The following NCKAP5 variants were observed in gnomAD, a reference collection of about 807,000 sequenced individuals.
The protein encoded by NCKAP5 is nck-associated protein 5.
NCKAP5 carries 92 observed loss-of-function variants against 167.0 expected under a neutral mutation model. The ratio of observed to expected loss-of-function variants is 0.55; its 90% CI spans 0.47 to 0.66. The LOEUF is 0.66. Ranked by LOEUF, NCKAP5 falls within the 30% of genes least tolerant of loss-of-function variation. NCKAP5 has a pLI of 0.00. For missense variants in NCKAP5, 2,378 were observed against 2,315.0 expected (o/e 1.03, Z -0.56); for synonymous variants, 891 against 877.4 (o/e 1.02, Z -0.27).
intron 4 of NCKAP5, among the ~76,000 whole-genome samples, chr2:133,216,148 T>C (rs1291401802): frequency 1.3e-5 from 2 of 152,104 alleles, no homozygotes; most frequent in African/African-American, 4.8e-5. Context: ...CTTAATATTA[T>C]TACACTGTCA....
the NCKAP5 span, among the ~76,000 whole-genome samples, chr2:133,654,322 G>A: frequency 3.9e-5 from 6 of 152,012 alleles, no homozygotes; most frequent in African/African-American, 1.5e-4. Flanking sequence ...AGATTGCAGT[G>A]AGCCAAGATC....
chr2:132,959,850 C>CCT (rs1169539678), intron 8 of NCKAP5, among the ~76,000 whole-genome samples: 1 of 152,152 alleles, frequency 6.6e-6, no homozygotes, highest in Non-Finnish European at 1.5e-5. Flanking sequence ...AAACAGCAGC[C>CCT]TTGAAAACCC....
intron 5 of NCKAP5, among the ~76,000 whole-genome samples, chr2:133,206,888 A>G (rs1281328736): frequency 6.6e-6 from 1 of 152,008 alleles, no homozygotes; most frequent in Admixed American, 6.6e-5. Context: ...TGAGATAAGG[A>G]CTGAAATACG....
At chr2:132,971,095 C>T (rs953352135) in intron 7 of NCKAP5, among the ~76,000 whole-genome samples, 2 of 152,216 alleles carry the variant, frequency 1.3e-5, no homozygotes, top group East Asian at 1.9e-4. Context: ...GAAAAATACA[C>T]GTGTGGCCCC....
intron 8 of NCKAP5, among the ~76,000 whole-genome samples, chr2:132,880,039 C>T (rs892434901): frequency 2.0e-5 from 3 of 152,116 alleles, no homozygotes; most frequent in Admixed American, 6.5e-5. Context: ...GTGAAATAAT[C>T]TATGCACACA....
At chr2:132,985,206 G>A (rs906662303) in intron 7 of NCKAP5, among the ~76,000 whole-genome samples, 20 of 152,098 alleles carry the variant, frequency 1.3e-4, no homozygotes, top group African/African-American at 4.6e-4. Context: ...GGGTCAAAAC[G>A]TCTAATAGGA....
At chr2:133,580,625 T>G in the NCKAP5 span, among the ~76,000 whole-genome samples, 1 of 152,184 alleles carries the variant, frequency 6.6e-6, no homozygotes, top group African/African-American at 2.4e-5. Context: ...CGTACTCACT[T>G]AGAACAAATC....
intron 5 of NCKAP5, among the ~76,000 whole-genome samples, chr2:133,212,903 C>A (rs2086269977): frequency 6.6e-6 from 1 of 152,166 alleles, no homozygotes; most frequent in Non-Finnish European, 1.5e-5. Flanking sequence ...GATGGCCTGT[C>A]AATTAACTCT....
At chr2:133,412,085 C>G (rs192756854) in intron 3 of NCKAP5, among the ~76,000 whole-genome samples, 2 of 152,156 alleles carry the variant, frequency 1.3e-5, no homozygotes, top group Non-Finnish European at 2.9e-5. Flanking sequence ...TGAATGCCTA[C>G]GTACTCCCCG....
At chr2:133,286,833 A>G (rs181953402) in intron 4 of NCKAP5, among the ~76,000 whole-genome samples, 1 of 152,232 alleles carries the variant, frequency 6.6e-6, no homozygotes, top group African/African-American at 2.4e-5. Flanking sequence ...CTGTCTTTAG[A>G]TAAATCCTTT....
intron 5 of NCKAP5, 101 bp from the exon 6 acceptor site, chr2:133,130,212 T>G: frequency 7.6e-7 from 1 of 1,322,108 alleles, no homozygotes; most frequent in Non-Finnish European, 1.0e-6. Flanking sequence ...TATATATGAA[T>G]TTCATCCTTT....
At chr2:133,580,155 A>C in the NCKAP5 span, among the ~76,000 whole-genome samples, 1 of 152,188 alleles carries the variant, frequency 6.6e-6, no homozygotes, top group Admixed American at 6.5e-5. Flanking sequence ...TTGTTTACTC[A>C]TCCATGAAGT....
chr2:132,798,902 G>A (rs1038667124), intron 11 of NCKAP5, among the ~76,000 whole-genome samples: 3 of 152,084 alleles, frequency 2.0e-5, no homozygotes, highest in African/African-American at 7.2e-5. Flanking sequence ...CCATTACTAG[G>A]TGTGTACCCA....
chr2:133,502,820 G>A (rs888112619), intron 3 of NCKAP5, among the ~76,000 whole-genome samples: 7 of 152,238 alleles, frequency 4.6e-5, no homozygotes, highest in Admixed American at 6.5e-5. Context: ...TTCAATGAAC[G>A]TGTGATGAAT....
intron 16 of NCKAP5, among the ~76,000 whole-genome samples, chr2:132,738,140 T>A (rs1691692807): frequency 6.6e-6 from 1 of 152,242 alleles, no homozygotes; most frequent in African/African-American, 2.4e-5. Flanking sequence ...CTCCCTTTTC[T>A]GTAGTTATTT....
chr2:133,613,113 C>T, the NCKAP5 span, among the ~76,000 whole-genome samples: 5 of 152,198 alleles, frequency 3.3e-5, no homozygotes. Context: ...TGTATTTCCT[C>T]CTTACCTCTC....
rs1370596 is a variant in NCKAP5, at chr2:133,094,271, T to G, written c.341+35707A>C. Among the ~76,000 whole-genome samples the G allele has an allele frequency of 3.3e-5, 5 of 151,866 alleles. No individual in the cohort carries two copies. In the East Asian group the frequency reaches 9.7e-4, roughly 29 times the overall value. On this transcript the variant is annotated intron_variant, in intron 6 of 19. Transcript: ENST00000409261. ...CTGAGAGAGATATAGGAGGGAGCCA[T>G]TGTGGATTGGTGTATGCATGGTGAG...
At chr2:132,833,224 T>C (rs1687643967) in intron 11 of NCKAP5, among the ~76,000 whole-genome samples, 1 of 152,202 alleles carries the variant, frequency 6.6e-6, no homozygotes, top group Non-Finnish European at 1.5e-5. Context: ...GATTATTTCA[T>C]TGTTGTTGCT....
chr2:133,414,116 C>T (rs143387983), intron 3 of NCKAP5, among the ~76,000 whole-genome samples: 1 of 152,148 alleles, frequency 6.6e-6, no homozygotes, highest in African/African-American at 2.4e-5. Context: ...CTAAATGTCA[C>T]GCCACAGCAA....
Sources: gnomAD v4.1 joint callset for allele counts (sites outside exome capture counted in the v4.1 genomes callset) on GRCh38, gnomAD v4.1.1 for gene constraint, MANE v1.5 for transcripts, NCBI Gene and HGNC (gene_info 2026-07-23, HGNC 2026-07-21) for gene names.